Variants in GRTP1 observed in about 807,000 individuals in gnomAD.
The protein encoded by GRTP1 is growth hormone regulated TBC protein 1, also known as growth hormone-regulated TBC protein 1.
In GRTP1, 56 loss-of-function variants were observed where a neutral mutation model predicts 38.1. The ratio of observed to expected loss-of-function variants is 1.47; its 90% confidence interval spans 1.19 to 1.84. The LOEUF is 1.84. GRTP1 is among the 40% of genes most tolerant of loss of function. The pLI is 0.00. For missense variants in GRTP1, 506 were observed against 453.9 expected (o/e 1.11, Z -1.04); for synonymous variants, 217 against 189.5 (o/e 1.14, Z -1.19).
At chr13:113,338,702 C>T (rs925079469) in intron 5 of GRTP1, among the ~76,000 whole-genome samples, 3 of 152,140 alleles carry the variant, frequency 2.0e-5, no homozygotes, top group African/African-American at 4.8e-5. Context: ...AGGGAGCTTT[C>T]GTTTTGTGTC....
rs1566428731 is a variant in GRTP1, at chr13:113,346,035, CAT to C, written c.466-1078_466-1077del. On this transcript the variant is annotated intron_variant, in intron 4 of 7. Transcript: ENST00000375431. ...CTGCGGCTGAGCAGACCTGGGAAGA[CAT>C]CTGTGGCCGAGAGCAGACCCGGGAG... Among the ~76,000 whole-genome samples the C allele has an allele frequency of 3.3e-3, 276 of 83,016 alleles. 6 individuals are homozygous for C. The highest frequency in any genetic ancestry group is 9.3e-3 in the African/African-American group (209 of 22,556). 54.5% of individuals were successfully genotyped at this position (83,016 alleles called of 152,430 possible).
Position 113,349,476 on chromosome 13 carries a change from T to C in GRTP1, c.465+1373A>G, listed in dbSNP as rs953888488. Reference sequence around the variant, plus strand: ...TAAATAGAATGATGTAGAGGATTTCTTGCCCATTCTACCTCAACTCCAGAA... The same window carrying C: ...TAAATAGAATGATGTAGAGGATTTCCTGCCCATTCTACCTCAACTCCAGAA... On this transcript the variant is annotated intron_variant, in intron 4 of 7. Coordinates refer to ENST00000375431, the MANE Select transcript of GRTP1 (RefSeq NM_024719.4). This position sits in a 1 kb window ranked among gnomAD's most constrained non-coding sequence, Gnocchi z 5.0. Among the ~76,000 whole-genome samples, 1 of 152,250 alleles carries C rather than the reference T, an allele frequency of 6.6e-6. No homozygotes were observed. The highest frequency in any genetic ancestry group is 2.4e-5 in the African/African-American group (1 of 41,476).
At chr13:113,356,872 C>T (rs2043397178) in intron 2 of GRTP1, among the ~76,000 whole-genome samples, 1 of 152,192 alleles carries the variant, frequency 6.6e-6, no homozygotes, top group Non-Finnish European at 1.5e-5. Context: ...AGGCCCTTGT[C>T]TGTCCACTGG....
intron 5 of GRTP1, among the ~76,000 whole-genome samples, chr13:113,329,405 C>T (rs953874656): frequency 6.6e-6 from 1 of 152,028 alleles, no homozygotes; most frequent in African/African-American, 2.4e-5. Context: ...TGGTGAAAAC[C>T]CATCTCTACT....
chr13:113,326,001 A>AG lies in GRTP1; in HGVS notation c.652dup (p.Leu218ProfsTer39). 1 of 1,613,654 alleles carries AG rather than the reference A, an allele frequency of 6.2e-7. No individual in the cohort carries two copies. Among genetic ancestry groups the AG allele is most frequent in the Non-Finnish European group, 8.5e-7 (1 of 1,179,890 alleles). On this transcript the variant is annotated frameshift_variant, in exon 6 of 8. Transcript: ENST00000375431. LOFTEE classifies it high-confidence loss of function. ...CCACAGCACACCGAGACGCTCCATC[A>AG]GGGCCCCCACAGCCGGCAGCTTCGC...
At chr13:113,341,356 C>A (rs567635081) in intron 5 of GRTP1, among the ~76,000 whole-genome samples, 1 of 150,806 alleles carries the variant, frequency 6.6e-6, no homozygotes, top group African/African-American at 2.4e-5. Context: ...AACCTCTGTC[C>A]CCTGGGTTCA....
intron 5 of GRTP1, among the ~76,000 whole-genome samples, chr13:113,330,652 C>A (rs2042852176): frequency 7.7e-6 from 1 of 129,580 alleles, no homozygotes; most frequent in Non-Finnish European, 1.7e-5. Context: ...GCATGGGAGC[C>A]CAGGTGTGTG....
intron 5 of GRTP1, among the ~76,000 whole-genome samples, chr13:113,340,560 A>C (rs1377860404): frequency 1.3e-5 from 2 of 151,980 alleles, no homozygotes; most frequent in Non-Finnish European, 2.9e-5. Context: ...TGGGCGGATC[A>C]CCTGAGGTCA....
chr13:113,339,845 A>T (rs1162332288), intron 5 of GRTP1: 2 of 152,234 alleles, frequency 1.3e-5, no homozygotes, highest in Non-Finnish European at 2.9e-5. Flanking sequence ...CTTCAAACTA[A>T]AAAAATACTT....
In GRTP1 at chr13:113,342,896, T is replaced by C. The variant is rs2043045889; in HGVS notation, c.562+1967A>G. On this transcript the variant is annotated intron_variant, in intron 5 of 7. Transcript: ENST00000375431. This position sits in a 1 kb window ranked among gnomAD's most constrained non-coding sequence, Gnocchi z 4.5. ...ATAATGAATATCGGAAGTGACGTCGTACGGACTGAAAACGCATCTGTCCAT... is the reference window on the plus strand; with the variant it reads ...ATAATGAATATCGGAAGTGACGTCGCACGGACTGAAAACGCATCTGTCCAT... 6.6e-6 allele frequency among the ~76,000 whole-genome samples: 1 copy of C among 152,160 alleles called. No homozygotes were observed. The highest frequency in any genetic ancestry group is 1.5e-5 in the Non-Finnish European group (1 of 68,042).
At position 113,326,372 on chromosome 13, in the gene GRTP1, CGCGGTG is replaced by C. The variant is rs1417618932; in HGVS notation, c.563-287_563-282del. On this transcript the variant is annotated intron_variant, in intron 5 of 7. Transcript: ENST00000375431. The stretch of plus-strand genomic sequence containing the variant: ...GTTAAAATCTGCAGGTGGAGGGTGG[CGCGGTG>C]GGGGGGGGGGGGGCGGGAGCGTGGC... 3.9e-3 allele frequency among the ~76,000 whole-genome samples: 8 copies of C among 2,026 alleles called. 1 individual carries two copies. Among genetic ancestry groups the C allele is most frequent in the East Asian group, 0.031 (5 of 162 alleles). The allele number at this position is 2,026 out of a possible 152,430, so 1.3% of individuals were successfully genotyped here.
chr13:113,350,489 C>A (rs1168888012), intron 4 of GRTP1, among the ~76,000 whole-genome samples: 1 of 149,210 alleles, frequency 6.7e-6, no homozygotes, highest in Non-Finnish European at 1.5e-5. Context: ...ATACACACAC[C>A]CCATGGTGCA....
intron 4 of GRTP1, 86 bp downstream of exon 4, chr13:113,350,763 C>T (rs959708987): frequency 1.3e-5 from 17 of 1,260,986 alleles, no homozygotes; most frequent in Admixed American, 1.2e-4. Flanking sequence ...TTGACAGAGA[C>T]GTGAGGCCGT....
chr13:113,346,507 G>C lies in GRTP1; in HGVS notation c.466-1548C>G, dbSNP rs569118704. On this transcript the variant is annotated intron_variant, in intron 4 of 7. Transcript: ENST00000375431. ...CTGTGCCTGACAGTGGACCCGGGAGGACCTCTGTGGCAAAGAGCAGACCCG... is the reference window on the plus strand; with the variant it reads ...CTGTGCCTGACAGTGGACCCGGGAGCACCTCTGTGGCAAAGAGCAGACCCG... Among the ~76,000 whole-genome samples the C allele has an allele frequency of 4.5e-3, 12 of 2,640 alleles. 3 individuals are homozygous for C. The highest frequency in any genetic ancestry group is 0.015 in the Admixed American group (3 of 202). 1.7% of individuals were successfully genotyped at this position (2,640 alleles called of 152,430 possible). A position where few individuals can be genotyped will look rare whatever the true frequency, so the allele number is the denominator to read the frequency against.
chr13:113,337,847 C>T (rs758976416), intron 5 of GRTP1, among the ~76,000 whole-genome samples: 29 of 152,262 alleles, frequency 1.9e-4, no homozygotes, highest in Non-Finnish European at 3.7e-4. Flanking sequence ...GCAATTGCGG[C>T]GCCAAGAGCC....
chr13:113,330,888 AACCCGG>A (rs1279886992), intron 5 of GRTP1, among the ~76,000 whole-genome samples: 16 of 6,154 alleles, frequency 2.6e-3, no homozygotes, highest in African/African-American at 0.014. Flanking sequence ...TGTGCATGGA[AACCCGG>A]GTGTGTGCAT....
rs772266805 is a variant in GRTP1, at chr13:113,350,965, G to A, written c.349C>T (p.Arg117Trp). 38 of 1,613,662 alleles carry A rather than the reference G, an allele frequency of 2.4e-5. No homozygotes were observed. The highest frequency in any genetic ancestry group is 8.0e-5 in the African/African-American group (6 of 74,926). Residue 117 changes from arginine to tryptophan, a missense_variant, in exon 4 of 8, where the codon CGG (arginine) becomes TGG (tryptophan). By Grantham distance (101) the Arg-to-Trp change is moderately radical. Coordinates refer to ENST00000375431, the MANE Select transcript of GRTP1 (RefSeq NM_024719.4). ...AACTTCACGTTGTCGGGGAAGGTCCGGTTCAGGTCTGTGGGAAATTCAGAA... is the reference window on the plus strand; with the variant it reads ...AACTTCACGTTGTCGGGGAAGGTCCAGTTCAGGTCTGTGGGAAATTCAGAA... ...LEDAIRTDLNRTFPDNVKFRK... is the reference protein window; with the variant it reads ...LEDAIRTDLNWTFPDNVKFRK...
chr13:113,328,448 T>C (rs1275613721), intron 5 of GRTP1, among the ~76,000 whole-genome samples: 1 of 152,204 alleles, frequency 6.6e-6, no homozygotes, highest in Non-Finnish European at 1.5e-5. Context: ...CCAAGACCAC[T>C]CTCTCACATG....
chr13:113,325,693 T>A lies in GRTP1; in HGVS notation c.889A>T (p.Ser297Cys), dbSNP rs995378229. 4 of 1,613,956 alleles carry A rather than the reference T, an allele frequency of 2.5e-6. No individual in the cohort carries two copies. Among genetic ancestry groups the A allele is most frequent in the Non-Finnish European group, 3.4e-6 (4 of 1,180,008 alleles). The change falls in exon 7 of 8, where the codon AGT (serine) becomes TGT (cysteine). Residue 297 changes from serine to cysteine, a missense_variant. Transcript: ENST00000375431. Reference sequence around the variant, plus strand: ...AACGTGTGACACTCCATCACGAAACTCCCTTTGGTTATCTGCTTAAACTTA... The same window carrying A: ...AACGTGTGACACTCCATCACGAAACACCCTTTGGTTATCTGCTTAAACTTA... ...CDKFKQITKG[S>C]FVMECHTFMQ...
Sources: allele counts gnomAD v4.1 joint callset (sites outside exome capture counted in the v4.1 genomes callset), GRCh38; gene constraint gnomAD v4.1.1; non-coding constraint Gnocchi (gnomAD v3.1); transcripts MANE v1.5; gene names NCBI Gene and HGNC (gene_info 2026-07-23, HGNC 2026-07-21).